PROCR: variants seen among roughly 807,000 people sequenced by gnomAD.
PROCR encodes protein C receptor.
PROCR carries 22 observed loss-of-function variants against 24.2 expected under a neutral mutation model. The ratio of observed to expected loss-of-function variants is 0.91; its 90% CI spans 0.65 to 1.30. The LOEUF is 1.30. Among genes scored for constraint, PROCR ranks in the 50% most tolerant of loss-of-function variants. The pLI is 0.00. For synonymous variants in PROCR, 137 were observed against 139.2 expected, an observed-to-expected ratio of 0.98 and a Z score of 0.11; for missense variants, 288 against 307.7, an observed-to-expected ratio of 0.94 and a Z score of 0.48.
downstream of PROCR, among the ~76,000 whole-genome samples, chr20:35,179,184 G>A (rs1407687994): frequency 2.9e-5 from 4 of 138,018 alleles, no homozygotes; most frequent in East Asian, 8.8e-4. Context: ...AGTGAGCCGA[G>A]ATCACGCCAC....
chr20:35,187,946 G>A (rs941210235), intron 1 of PROCR, among the ~76,000 whole-genome samples: 1 of 152,148 alleles, frequency 6.6e-6, no homozygotes, highest in Non-Finnish European at 1.5e-5. Context: ...GGTCAGTTAC[G>A]TGGCAGCCAG....
chr20:35,190,285 C>T (rs370999240), intron 1 of PROCR, among the ~76,000 whole-genome samples: 3 of 152,138 alleles, frequency 2.0e-5, no homozygotes, highest in East Asian at 3.8e-4. Context: ...AAAATAGATC[C>T]AACTCGCAAT....
intron 1 of PROCR, among the ~76,000 whole-genome samples, chr20:35,173,011 G>A (rs1348887303): frequency 6.6e-6 from 1 of 152,148 alleles, no homozygotes; most frequent in African/African-American, 2.4e-5. Context: ...AGGAAACTGG[G>A]TCACAGAGTA....
intron 1 of PROCR, among the ~76,000 whole-genome samples, chr20:35,213,211 T>C (rs1398361737): frequency 6.6e-6 from 1 of 152,146 alleles, no homozygotes; most frequent in African/African-American, 2.4e-5. Context: ...CATGTGCCTG[T>C]AGTCCCAGCT....
rs1178696131 is a variant in PROCR, at chr20:35,172,215, G to A, written c.61G>A (p.Ala21Thr). The change falls in exon 1 of 4, where the codon GCC (alanine) becomes ACC (threonine). Residue 21 changes from alanine (A) to threonine (T), a missense_variant. Physicochemically the swap from Ala to Thr is moderately conservative, Grantham distance 58. Transcript: ENST00000216968. ...TGGCTGGGCCTTTTGTAGCCAAGAC[G>A]CCTCAGATGGTGAGTCGGGGGCACA... ...LSGWAFCSQD[A>T]SDGLQRLHML... 3.7e-6 allele frequency: 6 copies of A among 1,614,056 alleles called. No homozygotes were observed. Among genetic ancestry groups the A allele is most frequent in the Admixed American group, 3.3e-5 (2 of 60,000 alleles).
intron 1 of PROCR, among the ~76,000 whole-genome samples, chr20:35,193,321 G>T (rs545940408): frequency 2.0e-5 from 3 of 152,042 alleles, no homozygotes; most frequent in African/African-American, 2.4e-5. Flanking sequence ...GCCTACAGGC[G>T]CATGCCACCA....
intron 1 of PROCR, among the ~76,000 whole-genome samples, chr20:35,206,010 T>C (rs567181243): frequency 6.6e-6 from 1 of 150,596 alleles, no homozygotes; most frequent in Non-Finnish European, 1.5e-5. Flanking sequence ...ATCCAGAATT[T>C]ATTTTTTAAC....
In PROCR at chr20:35,176,805, C is replaced by A. The variant is rs541848028; in HGVS notation, c.709C>A (p.Arg237=). The A allele has an allele frequency of 1.2e-6, 2 of 1,613,628 alleles. No homozygotes were observed. The highest frequency in any genetic ancestry group is 1.7e-6 in the Non-Finnish European group (2 of 1,179,916). The change falls in exon 4 of 4, where the codon CGA becomes AGA. Residue 237 remains arginine, a synonymous_variant. Coordinates refer to ENST00000216968, the MANE Select transcript of PROCR (RefSeq NM_006404.5). ...VGIFLCTGGR[R]C is the part of the protein sequence containing the mutation. ...CATCTTCCTGTGCACAGGTGGACGGCGATGTTAATTACTCTCCAGCCCCCT... is the reference window on the plus strand; with the variant it reads ...CATCTTCCTGTGCACAGGTGGACGGAGATGTTAATTACTCTCCAGCCCCCT...
intron 1 of PROCR, among the ~76,000 whole-genome samples, chr20:35,192,507 G>A (rs2086181964): frequency 6.6e-6 from 1 of 152,104 alleles, no homozygotes; most frequent in African/African-American, 2.4e-5. Flanking sequence ...TTGTGTGTCT[G>A]TTCCCATACA....
intron 1 of PROCR, among the ~76,000 whole-genome samples, chr20:35,206,474 C>CAAAAA (rs34186603): frequency 4.4e-5 from 3 of 68,734 alleles, no homozygotes; most frequent in South Asian, 6.4e-4. Context: ...GACTCTATCT[C>CAAAAA]AAAAAAAAAA....
chr20:35,188,184 TGC>T (rs1413016988), intron 1 of PROCR, among the ~76,000 whole-genome samples: 2 of 152,186 alleles, frequency 1.3e-5, no homozygotes, highest in Non-Finnish European at 2.9e-5. Context: ...AGCCAACTGT[TGC>T]TGAGGACTGT....
intron 1 of PROCR, among the ~76,000 whole-genome samples, chr20:35,197,598 C>T (rs560075741): frequency 2.4e-4 from 36 of 150,648 alleles, no homozygotes; most frequent in South Asian, 4.2e-4. Context: ...CCGAGGTGGG[C>T]GGATCACAAG....
At chr20:35,192,849 T>A (rs1301673356) in intron 1 of PROCR, among the ~76,000 whole-genome samples, 9 of 152,170 alleles carry the variant, frequency 5.9e-5, no homozygotes, top group Non-Finnish European at 1.5e-5. Flanking sequence ...GCAGTATTCT[T>A]TGTAATATCC....
At chr20:35,172,886 AAAT>A (rs2085964069) in intron 1 of PROCR, among the ~76,000 whole-genome samples, 3 of 152,172 alleles carry the variant, frequency 2.0e-5, no homozygotes. Flanking sequence ...GAGAGGCAGC[AAAT>A]AATAACCAGT....
intron 1 of PROCR, chr20:35,202,674 C>G (rs2060323330): frequency 6.6e-6 from 1 of 151,536 alleles, no homozygotes; most frequent in African/African-American, 2.4e-5. Flanking sequence ...ATATAGTATG[C>G]AACTAACAAA....
In PROCR at chr20:35,175,076, G is replaced by C. The variant is rs1313062252; in HGVS notation, c.322+123G>C. The C allele has an allele frequency of 6.1e-5, 71 of 1,158,234 alleles. 1 individual carries two copies. In the South Asian group the frequency reaches 1.2e-3, roughly 19 times the overall value. The allele number at this position is 1,158,234 out of a possible 1,614,324, so 71.7% of individuals were successfully genotyped here. On this transcript the variant is annotated intron_variant, in intron 2 of 3. Coordinates refer to ENST00000216968, the MANE Select transcript of PROCR (RefSeq NM_006404.5). ...ACTTGCAGGGACCCGGCAGCCACTG[G>C]AGCTCGGTGGCGCCTGGGCCTTTGA...
intron 1 of PROCR, among the ~76,000 whole-genome samples, chr20:35,189,958 G>A (rs954691682): frequency 1.3e-4 from 19 of 151,922 alleles, no homozygotes; most frequent in African/African-American, 2.7e-4. Context: ...ATAATCCCTC[G>A]CCTTTTTGTA....
chr20:35,198,470 G>C (rs1295172644), intron 1 of PROCR, among the ~76,000 whole-genome samples: 1 of 152,080 alleles, frequency 6.6e-6, no homozygotes, highest in African/African-American at 2.4e-5. Context: ...TTTTATGAAG[G>C]CTGAGAGAGG....
chr20:35,173,173 T>A (rs1158735858), intron 1 of PROCR, among the ~76,000 whole-genome samples: 2 of 152,262 alleles, frequency 1.3e-5, no homozygotes, highest in South Asian at 4.2e-4. Flanking sequence ...GGGCATCAAC[T>A]CTGTGCCAGC....
Sources: gnomAD v4.1 joint callset for allele counts (sites outside exome capture counted in the v4.1 genomes callset) on GRCh38, gnomAD v4.1.1 for gene constraint, MANE v1.5 for transcripts, NCBI Gene and HGNC (gene_info 2026-07-23, HGNC 2026-07-21) for gene names.